The following PARD3 variants were observed in gnomAD, a reference collection of about 807,000 sequenced individuals.
The protein encoded by PARD3 is par-3 family cell polarity regulator.
In PARD3, 75 loss-of-function variants were observed where a neutral mutation model predicts 155.4. The observed-to-expected ratio is 0.48, with a 90% CI of 0.40 to 0.58. The LOEUF is 0.58. PARD3 is among the 20% of genes least tolerant of loss of function. The pLI is 0.00. For missense variants in PARD3, 1,642 were observed against 1,721.7 expected (o/e 0.95, Z 0.82); for synonymous variants, 576 against 610.5 (o/e 0.94, Z 0.83).
At chr10:34,141,649 C>T (rs12249037) in intron 22 of PARD3, among the ~76,000 whole-genome samples, 1,625 of 152,268 alleles carry the variant, frequency 0.011, 29 homozygotes, top group African/African-American at 0.037. Flanking sequence ...ATGTACCCCT[C>T]GCCCTATTTT....
intron 1 of PARD3, among the ~76,000 whole-genome samples, chr10:34,727,310 G>A (rs1050819782): frequency 6.6e-6 from 1 of 152,206 alleles, no homozygotes; most frequent in Admixed American, 6.5e-5. Context: ...AGGCTCCCCA[G>A]GTCTCAGGAA....
chr10:34,703,380 G>C (rs2094313338), intron 1 of PARD3, among the ~76,000 whole-genome samples: 1 of 151,062 alleles, frequency 6.6e-6, no homozygotes, highest in African/African-American at 2.4e-5. Context: ...CAGACACTCT[G>C]TCCAAAAAAA....
chr10:34,758,943 C>T (rs765023022), intron 1 of PARD3, among the ~76,000 whole-genome samples: 18 of 151,942 alleles, frequency 1.2e-4, no homozygotes, highest in Admixed American at 4.6e-4. Context: ...ACAGGTTATG[C>T]AAACAAAGAC....
At chr10:34,279,092 T>C (rs1344962726) in intron 21 of PARD3, among the ~76,000 whole-genome samples, 1 of 151,648 alleles carries the variant, frequency 6.6e-6, no homozygotes, top group East Asian at 1.9e-4. Context: ...TTCAGATATA[T>C]AGTATGCCTA....
chr10:34,655,603 A>G (rs1298688610), intron 2 of PARD3, among the ~76,000 whole-genome samples: 1 of 152,098 alleles, frequency 6.6e-6, no homozygotes, highest in African/African-American at 2.4e-5. Context: ...TTCTCTACCA[A>G]CCCCGCAGAA....
At chr10:34,800,144 A>C in intron 1 of PARD3, among the ~76,000 whole-genome samples, 1 of 150,018 alleles carries the variant, frequency 6.7e-6, no homozygotes, top group African/African-American at 2.5e-5. Context: ...AACTTCCCAA[A>C]AAAAAAAAAA....
chr10:34,409,923 C>A (rs1490509231), intron 5 of PARD3, among the ~76,000 whole-genome samples: 10 of 151,996 alleles, frequency 6.6e-5, no homozygotes, highest in Admixed American at 6.6e-4. Flanking sequence ...ATAAAAAACA[C>A]GGATTTTGCA....
rs559633596 is a variant in PARD3 at position 34,151,209 on chromosome 10, A to T, written c.3420-19626T>A. Among the ~76,000 whole-genome samples the T allele has an allele frequency of 5.3e-5, 8 of 151,348 alleles. No individual in the cohort carries two copies. In the South Asian group the frequency reaches 8.4e-4, roughly 16 times the overall value. On this transcript the variant is annotated intron_variant, in intron 22 of 24. Coordinates refer to ENST00000374788, the MANE Select transcript of PARD3 (RefSeq NM_001184785.2). ...TTTGCCCTTATAATTTAGGACTATG[A>T]TTCTGTGCAGGATTTAGAAGTAATT...
intron 14 of PARD3, 73 bp downstream of exon 14, chr10:34,359,074 C>T (rs573820035): frequency 1.6e-6 from 2 of 1,214,326 alleles, no homozygotes; most frequent in South Asian, 2.8e-5. Flanking sequence ...ACCTAATACC[C>T]TTTGCCCAAA....
At position 34,470,107 on chromosome 10, in the gene PARD3, C is replaced by T. The variant is rs2078257476; in HGVS notation, c.560G>A (p.Ser187Asn). 2 of 1,609,728 alleles carry T rather than the reference C, an allele frequency of 1.2e-6. No homozygotes were observed. Among genetic ancestry groups the T allele is most frequent in the Non-Finnish European group, 1.7e-6 (2 of 1,178,048 alleles). ...TACCTTCCTGTCGCAGGTTTTAGGA[C>T]TCCCAGCAGTGTTCTGCTTGAGGAA... The part of the protein sequence containing the change: ...AGFLKQNTAG[S>N]PKTCDRKKDE... Residue 187 changes from serine to asparagine, a missense_variant, in exon 4 of 25, where the codon AGT becomes AAT. Coordinates refer to ENST00000374788, the MANE Select transcript of PARD3 (RefSeq NM_001184785.2).
chr10:34,154,244 C>T lies in PARD3; in HGVS notation c.3420-22661G>A, dbSNP rs115609388. The stretch of plus-strand genomic sequence containing the variant: ...ATCGTGGTGAGGATGGCCTGTGAGA[C>T]TGGAAAGTAGAATGTGAGGCTTCCA... On this transcript the variant is annotated intron_variant, in intron 22 of 24. Transcript: ENST00000374788. Among the ~76,000 whole-genome samples the T allele has an allele frequency of 6.2e-3, 944 of 152,168 alleles. 6 individuals are homozygous for T. Among genetic ancestry groups the T allele is most frequent in the African/African-American group, 0.022 (896 of 41,514 alleles).
At chr10:34,716,170 TC>T (rs2094516660) in intron 1 of PARD3, among the ~76,000 whole-genome samples, 1 of 152,242 alleles carries the variant, frequency 6.6e-6, no homozygotes, top group African/African-American at 2.4e-5. Context: ...GTTCCTATAT[TC>T]CCTTATGAGA....
At chr10:34,364,211 G>A (rs751145302) in intron 12 of PARD3, among the ~76,000 whole-genome samples, 1 of 152,132 alleles carries the variant, frequency 6.6e-6, no homozygotes, top group Non-Finnish European at 1.5e-5. Context: ...TCTCTGAGCC[G>A]CAACAAACGA....
At chr10:34,574,581 G>A (rs953489428) in intron 2 of PARD3, among the ~76,000 whole-genome samples, 4 of 152,144 alleles carry the variant, frequency 2.6e-5, no homozygotes, top group African/African-American at 7.2e-5. Flanking sequence ...CATCAAAAAC[G>A]GCTTTCAGGC....
intron 12 of PARD3, among the ~76,000 whole-genome samples, chr10:34,365,371 C>T (rs946568842): frequency 1.3e-5 from 2 of 151,982 alleles, no homozygotes; most frequent in African/African-American, 4.8e-5. Flanking sequence ...TGAGTTTTAC[C>T]CTTTGGACTT....
chr10:34,373,064 C>A (rs1323543876), intron 11 of PARD3, among the ~76,000 whole-genome samples: 1 of 151,728 alleles, frequency 6.6e-6, no homozygotes, highest in East Asian at 1.9e-4. Flanking sequence ...AAAAAAGGCA[C>A]CGATTGATAA....
At chr10:34,554,568 T>C (rs1460674638) in intron 2 of PARD3, among the ~76,000 whole-genome samples, 1 of 152,176 alleles carries the variant, frequency 6.6e-6, no homozygotes, top group Non-Finnish European at 1.5e-5. Flanking sequence ...AGGATATAGA[T>C]TTCTCATAAC....
At position 34,133,619 on chromosome 10, in the gene PARD3, C is replaced by T. The variant is rs372930609; in HGVS notation, c.3420-2036G>A. Among the ~76,000 whole-genome samples the T allele has an allele frequency of 1.4e-4, 21 of 152,318 alleles. No homozygotes were observed. The East Asian group carries it at 1.5e-3, about 11-fold the overall frequency. ...TTACTCAGTGTGTGCCAGGGTTCTG[C>T]TGGCTGCACCCCTCCTGCGTGATGT... On this transcript the variant is annotated intron_variant, in intron 22 of 24. Transcript: ENST00000374788.
At chr10:34,514,187 G>T (rs913711025) in intron 3 of PARD3, among the ~76,000 whole-genome samples, 3 of 151,990 alleles carry the variant, frequency 2.0e-5, no homozygotes, top group Non-Finnish European at 4.4e-5. Context: ...TGGAATAAAG[G>T]GGATGAGTGA....
Sources: gnomAD v4.1 joint callset for allele counts (sites outside exome capture counted in the v4.1 genomes callset) on GRCh38, gnomAD v4.1.1 for gene constraint, MANE v1.5 for transcripts, NCBI Gene and HGNC (gene_info 2026-07-23, HGNC 2026-07-21) for gene names.